Variants in GKN1 observed in about 807,000 individuals in gnomAD.
GKN1 encodes gastrokine-1.
A neutral mutation model predicts 19.7 loss-of-function variants in GKN1; 17 were observed. That is an observed-to-expected ratio of 0.86 (90% confidence interval 0.59 to 1.29). GKN1 has a LOEUF of 1.29. Among genes scored for constraint, GKN1 ranks in the 50% most tolerant of loss-of-function variants. GKN1 has a pLI of 0.00. For missense variants in GKN1, 218 were observed against 224.5 expected (o/e 0.97, Z 0.19); for synonymous variants, 96 against 78.3 (o/e 1.23, Z -1.20).
intron 3 of GKN1, among the ~76,000 whole-genome samples, chr2:68,978,500 C>G (rs150310252): frequency 0.011 from 1,634 of 152,108 alleles, 26 homozygotes; most frequent in African/African-American, 0.037. Context: ...TCAATTTTAT[C>G]TGGTCAATTG....
At chr2:68,980,134 AG>A in intron 5 of GKN1, 74 bp downstream of exon 5, 7 of 1,250,122 alleles carry the variant, frequency 5.6e-6, no homozygotes, top group Non-Finnish European at 7.0e-6. Context: ...GCGTGTCCAT[AG>A]TGGGCACCAG....
chr2:68,980,651 C>T (rs1670344839), intron 5 of GKN1, 78 bp from the exon 6 acceptor site: 1 of 759,200 alleles, frequency 1.3e-6, no homozygotes, highest in South Asian at 1.5e-5. Context: ...GTTTGGAAAC[C>T]CCTACTCCCC....
At chr2:68,976,890 T>C (rs1200948810) in intron 1 of GKN1, among the ~76,000 whole-genome samples, 1 of 152,162 alleles carries the variant, frequency 6.6e-6, no homozygotes, top group Non-Finnish European at 1.5e-5. Context: ...TATTACATAA[T>C]ATAATTCAAC....
chr2:68,975,717 A>C (rs186452037), intron 1 of GKN1, among the ~76,000 whole-genome samples: 109 of 152,278 alleles, frequency 7.2e-4, no homozygotes, highest in Admixed American at 1.6e-3. Flanking sequence ...TGTGAACAAG[A>C]GGTATAAGTT....
At chr2:68,975,324 C>G (rs1408906921) in intron 1 of GKN1, among the ~76,000 whole-genome samples, 4 of 152,078 alleles carry the variant, frequency 2.6e-5, no homozygotes, top group Non-Finnish European at 5.9e-5. Context: ...AAATGGGTCT[C>G]CAAGAAAGAA....
Position 68,977,646 on chromosome 2 carries a change from G to A in GKN1, c.76G>A (p.Val26Ile), listed in dbSNP as rs776814123. The change falls in exon 3 of 6, where the codon GTC becomes ATC. Residue 26 changes from valine to isoleucine, a missense_variant. By Grantham distance (29) the Val-to-Ile change is conservative. Transcript: ENST00000377938. ...CTCTTATAAACTTCAGAATATCAAC[G>A]TCAATGATGACAACAACAATGCTGG... Reference protein sequence around the residue: ...APALANYNINVNDDNNNAGSG... With the variant: ...APALANYNININDDNNNAGSG... 1.8e-5 allele frequency: 29 copies of A among 1,610,536 alleles called. No homozygotes were observed. Among genetic ancestry groups the A allele is most frequent in the South Asian group, 4.4e-5 (4 of 90,998 alleles).
intron 3 of GKN1, chr2:68,978,259 A>AGAAAGAGG (rs796404147): frequency 3.2e-5 from 4 of 124,990 alleles, no homozygotes; most frequent in African/African-American, 1.5e-4. Flanking sequence ...AAAGAAAGAA[A>AGAAAGAGG]GAAGGAAGGA....
At chr2:68,975,449 T>C (rs139700435) in intron 1 of GKN1, among the ~76,000 whole-genome samples, 1 of 152,000 alleles carries the variant, frequency 6.6e-6, no homozygotes, top group African/African-American at 2.4e-5. Flanking sequence ...TAGGAGGAGG[T>C]GGACCGAGAA....
At position 68,977,517 on chromosome 2, in the gene GKN1, G is replaced by T. The variant is rs1670279760; in HGVS notation, c.35G>T (p.Gly12Val). ...KFTIVFAGLL[G>V]VFLAPALANY... ...CAGATTGTCTTTGCTGGACTTCTTGGAGTCTTTCTAGCTCCTGCCCTAGCT... is the reference window on the plus strand; with the variant it reads ...CAGATTGTCTTTGCTGGACTTCTTGTAGTCTTTCTAGCTCCTGCCCTAGCT... Residue 12 changes from glycine (G) to valine (V), a missense_variant, in exon 2 of 6, where the codon GGA (glycine) becomes GTA (valine). By Grantham distance (109) the Gly-to-Val change is moderately radical. Coordinates refer to ENST00000377938, the MANE Select transcript of GKN1 (RefSeq NM_019617.4). 6.2e-7 allele frequency: 1 copy of T among 1,611,154 alleles called. No homozygotes were observed. Among genetic ancestry groups the T allele is most frequent in the Admixed American group, 1.7e-5 (1 of 60,024 alleles).
chr2:68,974,863 G>T (rs568589935), intron 1 of GKN1, among the ~76,000 whole-genome samples, 174 bp downstream of exon 1: 1 of 152,132 alleles, frequency 6.6e-6, no homozygotes, highest in Non-Finnish European at 1.5e-5. Flanking sequence ...GTCCTGTTGG[G>T]GGGTGGAGAG....
chr2:68,979,205 T>C (rs1448385006), intron 4 of GKN1, among the ~76,000 whole-genome samples: 1 of 152,178 alleles, frequency 6.6e-6, no homozygotes. Flanking sequence ...CTTGAAACCT[T>C]GACTGTTAGA....
intron 1 of GKN1, among the ~76,000 whole-genome samples, chr2:68,975,973 C>A (rs1463446271): frequency 2.0e-5 from 3 of 152,200 alleles, no homozygotes; most frequent in African/African-American, 7.2e-5. Context: ...ATGAGGCACC[C>A]TGCATAAAGC....
At chr2:68,974,835 G>T in intron 1 of GKN1, 146 bp downstream of exon 1, 1 of 643,506 alleles carries the variant, frequency 1.6e-6, no homozygotes, top group Non-Finnish European at 2.9e-6. Context: ...ACACAGAGAG[G>T]GGAACAACAC....
chr2:68,977,468 G>A (rs370812060), intron 1 of GKN1, 27 bp from the exon 2 acceptor site: 2 of 1,529,826 alleles, frequency 1.3e-6, no homozygotes, highest in African/African-American at 1.4e-5. Context: ...CCATGTAACA[G>A]GAGACCAATG....
rs1019722212 is a variant in GKN1 at position 68,978,247 on chromosome 2, G to GGAAA, written c.204+485_204+488dup. The GGAAA allele has an allele frequency of 7.0e-4, 59 of 84,040 alleles. 3 individuals carry two copies. Among genetic ancestry groups the GGAAA allele is most frequent in the African/African-American group, 4.1e-3 (53 of 13,066 alleles). 5.2% of individuals were successfully genotyped at this position (84,040 alleles called of 1,614,324 possible). ...GAGGAAAGAAGAAAGAAAGAAGGAA[G>GGAAA]GAAAGAAAGAAAGAAGGAAGGAAGG... is the stretch of plus-strand genomic sequence containing the variant. On this transcript the variant is annotated intron_variant, in intron 3 of 5. Coordinates refer to ENST00000377938, the MANE Select transcript of GKN1 (RefSeq NM_019617.4).
chr2:68,978,288 G>T (rs1223271135), intron 3 of GKN1, among the ~76,000 whole-genome samples: 1 of 132,886 alleles, frequency 7.5e-6, no homozygotes, highest in Non-Finnish European at 1.6e-5. Flanking sequence ...AAGAAAGAAA[G>T]AAAGAAAGAG....
At position 68,980,516 on chromosome 2, in the gene GKN1, A is replaced by G. The variant is rs73934213; in HGVS notation, c.464-213A>G. Among the ~76,000 whole-genome samples the G allele has an allele frequency of 5.0e-3, 758 of 152,368 alleles. 6 individuals are homozygous for G. Among genetic ancestry groups the G allele is most frequent in the African/African-American group, 0.018 (730 of 41,594 alleles). ...ACAATCACTTAATTTCTGGACATTC[A>G]AAGAACAGCTGCACACAAACAAAGT... On this transcript the variant is annotated intron_variant, in intron 5 of 5. Coordinates refer to ENST00000377938, the MANE Select transcript of GKN1 (RefSeq NM_019617.4).
At chr2:68,976,319 T>C (rs185964800) in intron 1 of GKN1, among the ~76,000 whole-genome samples, 191 of 152,314 alleles carry the variant, frequency 1.3e-3, no homozygotes, top group East Asian at 9.1e-3. Context: ...TCTTTTTTTT[T>C]CCAAGGAAAA....
chr2:68,978,791 C>A, intron 3 of GKN1, 80 bp from the exon 4 acceptor site: 1 of 718,252 alleles, frequency 1.4e-6, no homozygotes, highest in Non-Finnish European at 2.4e-6. Context: ...TCCCATTTCT[C>A]TCTGCAGGTG....
Sources: gnomAD v4.1 joint callset for allele counts (sites outside exome capture counted in the v4.1 genomes callset) on GRCh38, gnomAD v4.1.1 for gene constraint, MANE v1.5 for transcripts, NCBI Gene and HGNC (gene_info 2026-07-23, HGNC 2026-07-21) for gene names.